OTUD7A: variants seen among roughly 807,000 people sequenced by gnomAD.
The protein encoded by OTUD7A is OTU domain-containing protein 7A.
Under a neutral mutation model 65.7 loss-of-function variants are expected in OTUD7A, and 12 were observed. That is an observed-to-expected ratio of 0.18 (90% CI 0.12 to 0.30). The LOEUF (loss-of-function observed/expected upper bound fraction) is 0.30, where lower values mean the gene tolerates loss of function less well. Among genes scored for constraint, OTUD7A ranks in the 10% least tolerant of loss-of-function variants. The probability of loss-of-function intolerance (pLI) is 1.00; values close to 1 mark genes in which losing one functional copy is unlikely to be tolerated. For synonymous variants in OTUD7A, 641 were observed against 586.3 expected, an observed-to-expected ratio of 1.09 and a Z score of -1.35; for missense variants, 1,148 against 1,304.8, an observed-to-expected ratio of 0.88 and a Z score of 1.85.
intron 1 of OTUD7A, among the ~76,000 whole-genome samples, chr15:31,680,524 T>C (rs1892688075): frequency 1.3e-5 from 2 of 152,192 alleles, no homozygotes. Context: ...AAAGGTCTCA[T>C]GGGTAGAAAA....
chr15:31,588,180 A>C (rs1595632278), intron 3 of OTUD7A, among the ~76,000 whole-genome samples: 1 of 152,324 alleles, frequency 6.6e-6, no homozygotes, highest in Admixed American at 6.5e-5. Context: ...AAACAATGGA[A>C]TGCTATGTGG....
intron 1 of OTUD7A, among the ~76,000 whole-genome samples, chr15:31,746,208 CA>C (rs1567000060): frequency 2.6e-5 from 4 of 152,174 alleles, no homozygotes; most frequent in African/African-American, 9.7e-5. Flanking sequence ...GAAATGAAAA[CA>C]TGTGTCTACA....
intron 1 of OTUD7A, among the ~76,000 whole-genome samples, chr15:31,799,139 C>G (rs544486498): frequency 2.6e-5 from 4 of 152,248 alleles, no homozygotes; most frequent in Admixed American, 1.3e-4. Flanking sequence ...AGAGAGAAGG[C>G]TGGAGTGGCT....
At chr15:31,623,564 C>T (rs1375240860) in intron 3 of OTUD7A, among the ~76,000 whole-genome samples, 2 of 152,368 alleles carry the variant, frequency 1.3e-5, no homozygotes, top group Middle Eastern at 3.4e-3. Context: ...CCCTCCGAGC[C>T]AGGCGTGGGA....
chr15:31,640,294 G>A (rs905464814), intron 3 of OTUD7A, among the ~76,000 whole-genome samples: 4 of 152,080 alleles, frequency 2.6e-5, no homozygotes, highest in Non-Finnish European at 5.9e-5. Flanking sequence ...ACTACAAATA[G>A]GGTTCAGTGT....
intron 3 of OTUD7A, among the ~76,000 whole-genome samples, chr15:31,631,303 G>A (rs1891145324): frequency 6.6e-6 from 1 of 152,132 alleles, no homozygotes; most frequent in Non-Finnish European, 1.5e-5. Context: ...AAATCTCTCA[G>A]CATTTGCTTG....
At chr15:31,800,684 C>T (rs1423405033) in intron 1 of OTUD7A, among the ~76,000 whole-genome samples, 1 of 152,208 alleles carries the variant, frequency 6.6e-6, no homozygotes, top group Non-Finnish European at 1.5e-5. Context: ...GGTTACAGAG[C>T]TTCTCACCAC....
At chr15:31,787,602 T>C (rs924999740) in intron 1 of OTUD7A, 5 of 152,172 alleles carry the variant, frequency 3.3e-5, no homozygotes. Context: ...TCAAAGTACT[T>C]AGGCTACTGA....
intron 3 of OTUD7A, among the ~76,000 whole-genome samples, chr15:31,583,267 G>T (rs1365991686): frequency 6.6e-6 from 1 of 152,206 alleles, no homozygotes; most frequent in African/African-American, 2.4e-5. Context: ...ATGCAAGGTG[G>T]AAGATGAAGC....
chr15:31,729,079 T>C (rs533896523), intron 1 of OTUD7A, among the ~76,000 whole-genome samples: 1 of 152,362 alleles, frequency 6.6e-6, no homozygotes, highest in South Asian at 2.1e-4. Context: ...TATGTTGTGA[T>C]AATTATTTCT....
Position 31,834,220 on chromosome 15 carries a change from T to A in OTUD7A, c.-100+36287A>T, listed in dbSNP as rs542718287. 3.9e-5 allele frequency among the ~76,000 whole-genome samples: 6 copies of A among 152,324 alleles called. No individual in the cohort carries two copies. In the South Asian group the frequency reaches 1.2e-3, roughly 32 times the overall value. ...AAATCAAACAGATAAAAGAATACAT[T>A]CATAGCAACAAGGTTGGAGTTCACG... On this transcript the variant is annotated intron_variant, in intron 1 of 12. Transcript: ENST00000307050.
At chr15:31,687,444 C>T (rs554210000) in intron 1 of OTUD7A, among the ~76,000 whole-genome samples, 1 of 152,296 alleles carries the variant, frequency 6.6e-6, no homozygotes, top group East Asian at 1.9e-4. Flanking sequence ...TGGCTCTCGC[C>T]CATGTGTCTT....
chr15:31,598,172 C>T (rs1340908183), intron 3 of OTUD7A, among the ~76,000 whole-genome samples: 4 of 152,142 alleles, frequency 2.6e-5, no homozygotes, highest in Non-Finnish European at 5.9e-5. Flanking sequence ...TGTGGGCACG[C>T]CCTAAGATTT....
chr15:31,555,854 T>TTTTTTTTTCTTTC (rs1888476606), intron 5 of OTUD7A: 2 of 149,948 alleles, frequency 1.3e-5, no homozygotes, highest in South Asian at 4.2e-4. Flanking sequence ...CTTTTTCTTT[T>TTTTTTTTTCTTTC]TTTTTTTTTT....
chr15:31,860,641 A>ATATATATATATATATATATATATATATG (rs1897698885), intron 1 of OTUD7A, among the ~76,000 whole-genome samples: 1 of 77,726 alleles, frequency 1.3e-5, no homozygotes, highest in African/African-American at 4.0e-5. Context: ...ATATATATAT[A>ATATATATATATATATATATATATATATG]TATGTATGTA....
chr15:31,839,210 G>A (rs531146506), intron 1 of OTUD7A, among the ~76,000 whole-genome samples: 4 of 152,334 alleles, frequency 2.6e-5, no homozygotes, highest in African/African-American at 9.6e-5. Context: ...GTGGCCCCAG[G>A]CTCCAGCAAC....
intron 1 of OTUD7A, among the ~76,000 whole-genome samples, chr15:31,757,651 A>G (rs984145648): frequency 1.3e-5 from 2 of 152,180 alleles, no homozygotes; most frequent in Non-Finnish European, 2.9e-5. Context: ...CCCTAAGGAG[A>G]CAAAATCTCT....
intron 1 of OTUD7A, chr15:31,766,287 T>C (rs189054789): frequency 6.2e-6 from 10 of 1,604,148 alleles, no homozygotes; most frequent in Non-Finnish European, 8.5e-6. Flanking sequence ...TTTGGGCATA[T>C]CAACATTTTG....
At chr15:31,504,088 G>A (rs1006003668) in intron 8 of OTUD7A, among the ~76,000 whole-genome samples, 6 of 152,234 alleles carry the variant, frequency 3.9e-5, no homozygotes, top group Admixed American at 2.0e-4. Flanking sequence ...CTGTGAAGGC[G>A]AGTCTCTCTG....
Sources: allele counts gnomAD v4.1 joint callset (sites outside exome capture counted in the v4.1 genomes callset), GRCh38; gene constraint gnomAD v4.1.1; transcripts MANE v1.5; gene names NCBI Gene and HGNC (gene_info 2026-07-23, HGNC 2026-07-21).